PDZD9: variants seen among roughly 807,000 people sequenced by gnomAD.
The protein encoded by PDZD9 is PDZ domain-containing protein 9.
PDZD9 carries 13 observed loss-of-function variants against 16.3 expected under a neutral mutation model. The observed-to-expected ratio is 0.80, with a 90% CI of 0.52 to 1.27. The LOEUF is 1.27. Ranked by LOEUF, PDZD9 falls within the 50% of genes most tolerant of loss-of-function variation. PDZD9 has a pLI of 0.00. For synonymous variants in PDZD9, 120 were observed against 111.0 expected, an observed-to-expected ratio of 1.08 and a Z score of -0.51; for missense variants, 288 against 310.9, an observed-to-expected ratio of 0.93 and a Z score of 0.55.
chr16:21,980,771 C>T, downstream of PDZD9: 1 of 1,559,082 alleles, frequency 6.4e-7, no homozygotes, highest in African/African-American at 1.4e-5. Flanking sequence ...CAGAAGGATG[C>T]ATAAGCGTCC....
the PDZD9 span, among the ~76,000 whole-genome samples, chr16:21,967,983 C>CT: frequency 6.7e-6 from 1 of 149,724 alleles, no homozygotes; most frequent in Non-Finnish European, 1.5e-5. Flanking sequence ...AGTGTATGCT[C>CT]TAATTTCTTT....
At chr16:21,961,668 A>ATATATATATATATT in the PDZD9 span, among the ~76,000 whole-genome samples, 1 of 116,048 alleles carries the variant, frequency 8.6e-6, no homozygotes, top group Non-Finnish European at 1.7e-5. Flanking sequence ...ATATATATAT[A>ATATATATATATATT]TTTTAGACAG....
chr16:21,984,699 T>C (rs748167094), intron 3 of PDZD9, 39 bp from the exon 4 acceptor site: 8 of 1,430,348 alleles, frequency 5.6e-6, no homozygotes, highest in Admixed American at 2.5e-5. Context: ...AGATTCTTCA[T>C]GTCTAAACAT....
At chr16:21,993,757 AT>A (rs149861796) in intron 2 of PDZD9, among the ~76,000 whole-genome samples, 1,837 of 152,302 alleles carry the variant, frequency 0.012, 20 homozygotes, top group Middle Eastern at 0.044. Context: ...TACAGCCATC[AT>A]TTTTTATTAA....
the PDZD9 span, chr16:21,976,437 A>C: frequency 2.1e-6 from 1 of 468,550 alleles, no homozygotes. Flanking sequence ...TGGCTCACTA[A>C]TCCCAGCACT....
At chr16:21,991,524 C>G (rs796837861) in intron 2 of PDZD9, among the ~76,000 whole-genome samples, 2 of 152,148 alleles carry the variant, frequency 1.3e-5, no homozygotes, top group Non-Finnish European at 2.9e-5. Context: ...TGTGTGCTAT[C>G]GCACCCGGCC....
In PDZD9 at chr16:21,997,008, A is replaced by C. The variant is rs1311979592; in HGVS notation, c.32-507T>G. ...CGGCTAATTTTTATTGTTTTTGTAGAGACAGGGTCTCACTATATTGGCCAG... is the reference window on the plus strand; with the variant it reads ...CGGCTAATTTTTATTGTTTTTGTAGCGACAGGGTCTCACTATATTGGCCAG... On this transcript the variant is annotated intron_variant, in intron 1 of 3. Coordinates refer to ENST00000424898, the MANE Select transcript of PDZD9 (RefSeq NM_001363519.1). Among the ~76,000 whole-genome samples, 4 of 152,210 alleles carry C rather than the reference A, an allele frequency of 2.6e-5. No homozygotes were observed. The East Asian group carries it at 7.7e-4, about 29-fold the overall frequency.
rs1190912419 is a variant in PDZD9, at chr16:22,001,012, G to A, written c.31+5C>T. The A allele has an allele frequency of 2.0e-6, 3 of 1,533,446 alleles. No individual in the cohort carries two copies. Among genetic ancestry groups the A allele is most frequent in the Middle Eastern group, 1.7e-4 (1 of 6,006 alleles). The allele number at this position is 1,533,446 out of a possible 1,614,324, so 95.0% of individuals were successfully genotyped here. ...TTCTTCACCCGCTTCCTTCTCCCCA[G>A]TTACCTTTTTTGTTTTTGTGGGAGG... On this transcript the variant is annotated splice_donor_5th_base_variant and intron_variant, in intron 1 of 3. Coordinates refer to ENST00000424898, the MANE Select transcript of PDZD9 (RefSeq NM_001363519.1).
intron 1 of PDZD9, 106 bp from the exon 2 acceptor site, chr16:21,996,607 G>T (rs557792218): frequency 9.3e-7 from 1 of 1,070,772 alleles, no homozygotes; most frequent in Non-Finnish European, 1.3e-6. Flanking sequence ...TTTAATCCCT[G>T]TTCCTCAGAT....
At chr16:21,981,198 C>T (rs1468899288), downstream of PDZD9, among the ~76,000 whole-genome samples, 1 of 152,162 alleles carries the variant, frequency 6.6e-6, no homozygotes, top group East Asian at 1.9e-4. Context: ...CTAGGACATT[C>T]TCTTGTTCTT....
At chr16:21,974,099 A>G in the PDZD9 span, 24 of 798,938 alleles carry the variant, frequency 3.0e-5, no homozygotes, top group African/African-American at 1.6e-4. Context: ...AGAGCTCTGT[A>G]TAGTATGATG....
rs187079721 is a variant in PDZD9 at position 22,000,801 on chromosome 16, G to T, written c.31+216C>A. Among the ~76,000 whole-genome samples the T allele has an allele frequency of 1.6e-3, 237 of 151,308 alleles. 2 individuals are homozygous for T. Among genetic ancestry groups the T allele is most frequent in the African/African-American group, 5.6e-3 (229 of 41,142 alleles). On this transcript the variant is annotated intron_variant, in intron 1 of 3. Coordinates refer to ENST00000424898, the MANE Select transcript of PDZD9 (RefSeq NM_001363519.1). ...ATCGCGCCACTGCACTCCAGCCTGG[G>T]GGACAAAGCAAGACTCCTTCTCAAA...
the PDZD9 span, among the ~76,000 whole-genome samples, chr16:21,965,929 C>T: frequency 6.6e-6 from 1 of 152,124 alleles, no homozygotes; most frequent in African/African-American, 2.4e-5. Flanking sequence ...AGCAGTCCTT[C>T]TGCCTATGCC....
downstream of PDZD9, among the ~76,000 whole-genome samples, chr16:21,979,049 G>A (rs1020365391): frequency 6.6e-6 from 1 of 152,094 alleles, no homozygotes; most frequent in East Asian, 1.9e-4. Flanking sequence ...AGCATTGAAC[G>A]GTATCCTCCA....
chr16:21,988,607 T>TA lies in PDZD9; in HGVS notation c.395dup (p.Thr133AsnfsTer8). On this transcript the variant is annotated frameshift_variant, in exon 3 of 4. Transcript: ENST00000424898. LOFTEE classifies it low-confidence loss of function (END_TRUNC). ...TCCTAAAATGAACTATTTACCTTGT[T>TA]ACTGGGAATTTGGCCTCAGGGATTA... 6.2e-7 allele frequency: 1 copy of TA among 1,607,324 alleles called. No individual in the cohort carries two copies. The highest frequency in any genetic ancestry group is 8.5e-7 in the Non-Finnish European group (1 of 1,175,540).
chr16:21,971,296 T>C, the PDZD9 span, among the ~76,000 whole-genome samples: 2 of 152,208 alleles, frequency 1.3e-5, no homozygotes, highest in Non-Finnish European at 2.9e-5. Context: ...TAATATTAAC[T>C]ACACAGAAAA....
chr16:21,983,028 C>T, downstream of PDZD9: 1 of 1,481,368 alleles, frequency 6.8e-7, no homozygotes, highest in Middle Eastern at 1.8e-4. Flanking sequence ...ATAAGTTCGC[C>T]TGCTTGATGA....
At chr16:21,979,883 G>A (rs1420745692), downstream of PDZD9, among the ~76,000 whole-genome samples, 1 of 152,166 alleles carries the variant, frequency 6.6e-6, no homozygotes, top group Non-Finnish European at 1.5e-5. Context: ...ACATCATTAT[G>A]TAGTACATGA....
chr16:21,999,980 G>A (rs1899250418), intron 1 of PDZD9, among the ~76,000 whole-genome samples: 1 of 152,106 alleles, frequency 6.6e-6, no homozygotes, highest in Non-Finnish European at 1.5e-5. Flanking sequence ...GGCGGGGGTT[G>A]CAGTAAGCCA....
Sources: allele counts gnomAD v4.1 joint callset (sites outside exome capture counted in the v4.1 genomes callset), GRCh38; gene constraint gnomAD v4.1.1; transcripts MANE v1.5; gene names NCBI Gene and HGNC (gene_info 2026-07-23, HGNC 2026-07-21).